Variants in TMEM59 observed in about 807,000 individuals in gnomAD.
The protein encoded by TMEM59 is dendritic cell factor 1.
TMEM59 carries 44 observed loss-of-function variants against 42.2 expected under a neutral mutation model. The observed-to-expected ratio is 1.04, with a 90% confidence interval of 0.82 to 1.34. The LOEUF (loss-of-function observed/expected upper bound fraction) is 1.34, where lower values mean the gene tolerates loss of function less well. Among genes scored for constraint, TMEM59 ranks in the 40% most tolerant of loss-of-function variants. The pLI, the probability that TMEM59 is intolerant of heterozygous loss-of-function variation, is 0.00. For synonymous variants in TMEM59, 148 were observed against 145.8 expected (o/e 1.02, Z -0.11); for missense variants, 359 against 382.8 (o/e 0.94, Z 0.52).
At chr1:54,038,320 T>C (rs1322656208) in intron 6 of TMEM59, among the ~76,000 whole-genome samples, 2 of 152,218 alleles carry the variant, frequency 1.3e-5, no homozygotes, top group African/African-American at 2.4e-5. Context: ...TTGAGATATT[T>C]CTATCTCACC....
intron 2 of TMEM59, 26 bp from the exon 3 acceptor site, chr1:54,045,812 CAAGAAACAAAAGAGAAAGGGAAAGAGGA>C (rs1034057140): frequency 6.4e-7 from 1 of 1,558,348 alleles, no homozygotes; most frequent in African/African-American, 1.4e-5. Context: ...AGTCAAATTA[CAAGAAACAAAAGAGAAAGGGAAAGAGGA>C]AAGAAAAGGA....
intron 1 of TMEM59, among the ~76,000 whole-genome samples, chr1:54,051,842 A>G (rs1657551060): frequency 1.3e-5 from 2 of 152,164 alleles, no homozygotes; most frequent in East Asian, 3.9e-4. Context: ...CCCTTCTCCC[A>G]CACTTTTTTT....
At chr1:54,033,372 G>C (rs1328800360) in intron 7 of TMEM59, 1 of 151,070 alleles carries the variant, frequency 6.6e-6, no homozygotes, top group Non-Finnish European at 1.5e-5. Context: ...AGGCTGAGGC[G>C]GGCGGATCAC....
Position 54,053,106 on chromosome 1 carries a change from C to G in TMEM59, c.83G>C (p.Gly28Ala). The G allele has an allele frequency of 6.2e-7, 1 of 1,614,274 alleles. No homozygotes were observed. Among genetic ancestry groups the G allele is most frequent in the Non-Finnish European group, 8.5e-7 (1 of 1,180,054 alleles). The change falls in exon 1 of 8, where the codon GGA becomes GCA. Residue 28 changes from glycine to alanine, a missense_variant. Coordinates refer to ENST00000234831, the MANE Select transcript of TMEM59 (RefSeq NM_004872.5). Reference sequence around the variant, plus strand: ...TTCAGCCGAAGCGGTCCCCGAACCTCCGGCCAAGGCCATGGTCAGCAGCAG... The same window carrying G: ...TTCAGCCGAAGCGGTCCCCGAACCTGCGGCCAAGGCCATGGTCAGCAGCAG... The part of the protein sequence containing the change: ...PLLLLTMALA[G>A]GSGTASAEAF...
chr1:54,046,986 AG>A (rs1228482300), intron 2 of TMEM59, among the ~76,000 whole-genome samples: 4 of 152,230 alleles, frequency 2.6e-5, no homozygotes, highest in Non-Finnish European at 5.9e-5. Flanking sequence ...ATGAATTGTG[AG>A]TAGGGTAATT....
chr1:54,048,966 A>T (rs896505290), intron 1 of TMEM59, among the ~76,000 whole-genome samples: 2 of 152,238 alleles, frequency 1.3e-5, no homozygotes, highest in Non-Finnish European at 2.9e-5. Context: ...TTTGTAAAAC[A>T]GTTAAAGAAT....
chr1:54,045,631 C>T (rs758424474), intron 3 of TMEM59, 61 bp downstream of exon 3: 1 of 1,500,812 alleles, frequency 6.7e-7, no homozygotes, highest in African/African-American at 1.4e-5. Context: ...ATAAACACTT[C>T]AAGCAATACA....
At chr1:54,042,558 C>A (rs75070374) in intron 4 of TMEM59, among the ~76,000 whole-genome samples, 5,506 of 152,162 alleles carry the variant, frequency 0.036, 131 homozygotes, top group Middle Eastern at 0.054. Flanking sequence ...AATCACATAC[C>A]AGCCATACAT....
chr1:54,032,310 A>G lies in TMEM59; in HGVS notation c.817-5T>C. The stretch of plus-strand genomic sequence containing the variant: ...GTCACCATAGATACTCAGCTTCTGC[A>G]AAAGAAAACCAATGTACATTAGTAG... On this transcript the variant is annotated splice_polypyrimidine_tract_variant and splice_region_variant and intron_variant, in intron 7 of 7. Coordinates refer to ENST00000234831, the MANE Select transcript of TMEM59 (RefSeq NM_004872.5). The G allele has an allele frequency of 6.3e-7, 1 of 1,596,246 alleles. No individual in the cohort carries two copies. The highest frequency in any genetic ancestry group is 8.5e-7 in the Non-Finnish European group (1 of 1,171,016).
Position 54,027,589 on chromosome 1 carries a change from C to CA in TMEM59, c.*4560dup. 1 of 152,068 alleles carries CA rather than the reference C, an allele frequency of 6.6e-6. No homozygotes were observed. Among genetic ancestry groups the CA allele is most frequent in the East Asian group, 1.9e-4 (1 of 5,158 alleles). 9.4% of individuals were successfully genotyped at this position (152,068 alleles called of 1,614,324 possible). On this transcript the variant is annotated 3_prime_UTR_variant, in exon 8 of 8. Transcript: ENST00000234831. ...TTCGAGACCAGCCTGGGCAACATGG[C>CA]AAAACCCCATCTTTACTAGAAATAC...
At chr1:54,048,754 CA>C in intron 1 of TMEM59, 1 of 356,728 alleles carries the variant, frequency 2.8e-6, no homozygotes, top group East Asian at 9.3e-5. Flanking sequence ...TTCTTTCCAG[CA>C]AAAGGATTAG....
chr1:54,037,207 A>G (rs978894357), intron 6 of TMEM59, among the ~76,000 whole-genome samples: 2 of 152,228 alleles, frequency 1.3e-5, no homozygotes, highest in Non-Finnish European at 2.9e-5. Flanking sequence ...AATACTTTAC[A>G]TATTCAATTT....
chr1:54,035,796 TAGAGA>T (rs923613147), intron 7 of TMEM59, among the ~76,000 whole-genome samples: 2 of 152,090 alleles, frequency 1.3e-5, no homozygotes, highest in Non-Finnish European at 2.9e-5. Flanking sequence ...TAATTTTTCA[TAGAGA>T]CAGGATCTCA....
chr1:54,042,270 C>A (rs1042190558), intron 4 of TMEM59, among the ~76,000 whole-genome samples: 1 of 152,078 alleles, frequency 6.6e-6, no homozygotes, highest in Non-Finnish European at 1.5e-5. Context: ...CAGCCAAACA[C>A]TCCATACTTT....
At chr1:54,032,400 TA>T (rs925427183) in intron 7 of TMEM59, 95 bp from the exon 8 acceptor site, 15 of 1,198,330 alleles carry the variant, frequency 1.3e-5, no homozygotes, top group Admixed American at 3.1e-5. Context: ...AAATAGTTGG[TA>T]AAAAAAATTC....
At chr1:54,043,238 G>A in intron 4 of TMEM59, 135 bp downstream of exon 4, 1 of 785,528 alleles carries the variant, frequency 1.3e-6, no homozygotes, top group Non-Finnish European at 1.8e-6. Context: ...TTAATGTAGG[G>A]CCAAATAAGT....
Position 54,045,761 on chromosome 1 carries a change from A to G in TMEM59, c.321T>C (p.Ser107=), listed in dbSNP as rs770010117. The G allele has an allele frequency of 3.9e-5, 63 of 1,613,954 alleles. No individual in the cohort carries two copies. The African/African-American group carries it at 7.9e-4, about 20-fold the overall frequency. The change falls in exon 3 of 8, where the codon TCT becomes TCC. Residue 107 remains serine, a synonymous_variant. Transcript: ENST00000234831. ...ESACTEAYSQ[S]DEQYACHLGC... ...CAAGATGGCAAGCATATTGCTCATC[A>G]GATTGGGAATATGCTTCTGTACATG...
In TMEM59 at chr1:54,047,276, A is replaced by G. The variant is rs755400755; in HGVS notation, c.286T>C (p.Cys96Arg). ...TAGCATAGCATCTTACCAGATTCAC[A>G]TTCCAATTTAGTTCGATTTAAGTCA... is the stretch of plus-strand genomic sequence containing the variant. Reference protein sequence around the residue: ...GIDLNRTKLECESACTEAYSQ... With the variant: ...GIDLNRTKLERESACTEAYSQ... The change falls in exon 2 of 8, where the codon TGT becomes CGT. Residue 96 changes from cysteine (C) to arginine (R), a missense_variant. Transcript: ENST00000234831. 6 of 1,612,874 alleles carry G rather than the reference A, an allele frequency of 3.7e-6. No individual in the cohort carries two copies. The highest frequency in any genetic ancestry group is 4.2e-6 in the Non-Finnish European group (5 of 1,179,664).
rs995186040 is a variant in TMEM59, at chr1:54,027,605, C to T, written c.*4545G>A. The T allele has an allele frequency of 1.3e-5, 2 of 152,030 alleles. No homozygotes were observed. Among genetic ancestry groups the T allele is most frequent in the Non-Finnish European group, 2.9e-5 (2 of 68,008 alleles). The allele number at this position is 152,030 out of a possible 1,614,324, so 9.4% of individuals were successfully genotyped here. ...GCAACATGGCAAAACCCCATCTTTACTAGAAATACAAAAATTAGCCAAGCA... is the reference window on the plus strand; with the variant it reads ...GCAACATGGCAAAACCCCATCTTTATTAGAAATACAAAAATTAGCCAAGCA... On this transcript the variant is annotated 3_prime_UTR_variant, in exon 8 of 8. Transcript: ENST00000234831.
Sources: gnomAD v4.1 joint callset for allele counts (sites outside exome capture counted in the v4.1 genomes callset) on GRCh38, gnomAD v4.1.1 for gene constraint, MANE v1.5 for transcripts, NCBI Gene and HGNC (gene_info 2026-07-23, HGNC 2026-07-21) for gene names.